ERCC6L2: variants seen among roughly 807,000 people sequenced by gnomAD.
ERCC6L2 encodes the protein ERCC excision repair 6 like 2.
Under a neutral mutation model 132.0 loss-of-function variants are expected in ERCC6L2, and 77 were observed. That is an observed-to-expected ratio of 0.58 (90% CI 0.49 to 0.71). The LOEUF is 0.71. Ranked by LOEUF, ERCC6L2 falls within the 30% of genes least tolerant of loss-of-function variation. ERCC6L2 has a pLI of 0.00. For synonymous variants in ERCC6L2, 583 were observed against 632.4 expected (o/e 0.92, Z 1.17); for missense variants, 1,542 against 1,837.6 (o/e 0.84, Z 2.94).
intron 19 of ERCC6L2, among the ~76,000 whole-genome samples, chr9:96,027,401 G>A (rs1588067084): frequency 6.6e-6 from 1 of 152,186 alleles, no homozygotes; most frequent in Non-Finnish European, 1.5e-5. Flanking sequence ...CTGCGGGAAA[G>A]GAGAGGGCAG....
intron 12 of ERCC6L2, among the ~76,000 whole-genome samples, chr9:95,943,595 C>T (rs994879320): frequency 6.6e-6 from 1 of 152,010 alleles, no homozygotes; most frequent in African/African-American, 2.4e-5. Flanking sequence ...AAAATATTTT[C>T]AAATCACATA....
rs570631908 is a variant in ERCC6L2 at position 96,001,647 on chromosome 9, C to T, written c.3493-2873C>T. Reference sequence around the variant, plus strand: ...GTCCCCACCAGACTCAGGAGCCCAGCTGGCTTCACCCAGTGGATCCCGCAC... The same window carrying T: ...GTCCCCACCAGACTCAGGAGCCCAGTTGGCTTCACCCAGTGGATCCCGCAC... On this transcript the variant is annotated intron_variant, in intron 17 of 18. Coordinates refer to ENST00000653738, the MANE Select transcript of ERCC6L2 (RefSeq NM_020207.7). 4.6e-5 allele frequency among the ~76,000 whole-genome samples: 7 copies of T among 152,382 alleles called. No homozygotes were observed. The East Asian group carries it at 1.3e-3, about 29-fold the overall frequency.
chr9:96,025,429 G>A (rs993217792), intron 19 of ERCC6L2, among the ~76,000 whole-genome samples: 8 of 152,192 alleles, frequency 5.3e-5, no homozygotes, highest in Admixed American at 2.6e-4. Flanking sequence ...TGGGTCAGGC[G>A]GTGGGGCTCA....
intron 6 of ERCC6L2, among the ~76,000 whole-genome samples, chr9:95,919,121 A>C (rs1358591878): frequency 6.6e-6 from 1 of 152,084 alleles, no homozygotes; most frequent in East Asian, 1.9e-4. Context: ...CCTGCCTCCC[A>C]AAGTGCTTGG....
chr9:95,955,446 C>T (rs1440313908), intron 12 of ERCC6L2, among the ~76,000 whole-genome samples: 1 of 151,728 alleles, frequency 6.6e-6, no homozygotes, highest in African/African-American at 2.4e-5. Flanking sequence ...ATAAACATAC[C>T]CATCATCCCA....
intron 3 of ERCC6L2, among the ~76,000 whole-genome samples, chr9:95,901,160 G>A (rs2132626668): frequency 6.6e-6 from 1 of 151,906 alleles, no homozygotes; most frequent in East Asian, 1.9e-4. Context: ...ATCTGCCTAT[G>A]GAATTTTAAG....
At chr9:95,885,842 T>C (rs570547873) in intron 2 of ERCC6L2, among the ~76,000 whole-genome samples, 8 of 152,186 alleles carry the variant, frequency 5.3e-5, no homozygotes, top group African/African-American at 1.9e-4. Flanking sequence ...TAGGAGAGGA[T>C]GGCAATCTGT....
Position 95,970,569 on chromosome 9 carries a change from A to G in ERCC6L2, c.2101-7A>G, listed in dbSNP as rs556488891. 1.2e-4 allele frequency: 159 copies of G among 1,302,320 alleles called. No homozygotes were observed. In the African/African-American group the frequency reaches 2.2e-3, roughly 18 times the overall value. 80.7% of individuals were successfully genotyped at this position (1,302,320 alleles called of 1,614,324 possible). On this transcript the variant is annotated splice_region_variant and splice_polypyrimidine_tract_variant and intron_variant, in intron 14 of 18. Coordinates refer to ENST00000653738, the MANE Select transcript of ERCC6L2 (RefSeq NM_020207.7). ...GCTATTTGCATTCTTTCTTACTGACATTATAGAGAGAAGGCCAAGTAGAAG... is the reference window on the plus strand; with the variant it reads ...GCTATTTGCATTCTTTCTTACTGACGTTATAGAGAGAAGGCCAAGTAGAAG...
chr9:95,921,167 C>G lies in ERCC6L2; in HGVS notation c.1159-8C>G. 1.3e-6 allele frequency: 2 copies of G among 1,598,920 alleles called. No individual in the cohort carries two copies. The highest frequency in any genetic ancestry group is 1.7e-6 in the Non-Finnish European group (2 of 1,173,946). On this transcript the variant is annotated splice_region_variant and splice_polypyrimidine_tract_variant and intron_variant, in intron 6 of 18. Transcript: ENST00000653738. ...TACTAATAACTACCTTGTATTTTAT[C>G]TTGGCAGATGGTGTATTGTTCTTTG...
At chr9:95,890,862 T>G (rs1828122312) in intron 2 of ERCC6L2, among the ~76,000 whole-genome samples, 1 of 152,098 alleles carries the variant, frequency 6.6e-6, no homozygotes, top group African/African-American at 2.4e-5. Context: ...AGAGGTGGGA[T>G]TTCACCATGC....
intron 17 of ERCC6L2, among the ~76,000 whole-genome samples, chr9:95,994,770 A>G (rs1218499460): frequency 2.6e-5 from 3 of 113,556 alleles, no homozygotes; most frequent in East Asian, 5.5e-4. Context: ...TCCTGCCGAA[A>G]TGGGAACTAG....
chr9:95,988,362 A>T (rs1254781353), intron 17 of ERCC6L2, among the ~76,000 whole-genome samples: 1 of 152,210 alleles, frequency 6.6e-6, no homozygotes. Context: ...TTACAGCAAG[A>T]TGGTAAGTTG....
chr9:95,906,622 AAG>A (rs762348611), intron 3 of ERCC6L2: 3 of 455,826 alleles, frequency 6.6e-6, no homozygotes, highest in Admixed American at 2.4e-5. Context: ...GAGTATCTGA[AAG>A]AGGGGGAGCG....
At chr9:95,896,733 C>G (rs1310619989) in intron 2 of ERCC6L2, among the ~76,000 whole-genome samples, 1 of 152,030 alleles carries the variant, frequency 6.6e-6, no homozygotes, top group East Asian at 1.9e-4. Flanking sequence ...CCAGTTGTTG[C>G]TTTTTTGTAG....
At chr9:96,004,097 G>A (rs1320244824) in intron 17 of ERCC6L2, among the ~76,000 whole-genome samples, 2 of 152,078 alleles carry the variant, frequency 1.3e-5, no homozygotes, top group African/African-American at 2.4e-5. Flanking sequence ...ATAAAGATTG[G>A]TATTTTTTAC....
downstream of ERCC6L2, among the ~76,000 whole-genome samples, chr9:96,022,593 C>G (rs193027199): frequency 5.9e-5 from 9 of 152,332 alleles, no homozygotes; most frequent in African/African-American, 1.9e-4. Flanking sequence ...GGAGCCATGA[C>G]CCTTCCTAAC....
chr9:95,897,208 G>A (rs77125600), intron 2 of ERCC6L2, among the ~76,000 whole-genome samples: 22 of 152,182 alleles, frequency 1.4e-4, no homozygotes, highest in Non-Finnish European at 2.4e-4. Flanking sequence ...TAACGCCCTT[G>A]CCTAACTTCA....
intron 16 of ERCC6L2, among the ~76,000 whole-genome samples, chr9:95,976,210 C>G (rs951080092): frequency 6.6e-6 from 1 of 152,130 alleles, no homozygotes; most frequent in African/African-American, 2.4e-5. Flanking sequence ...TCCTCTCGCT[C>G]TCTCTCCCTT....
chr9:95,881,310 T>A lies in ERCC6L2; in HGVS notation c.471+17T>A, dbSNP rs986562253. 1.2e-5 allele frequency: 18 copies of A among 1,529,388 alleles called. No homozygotes were observed. In the African/African-American group the frequency reaches 2.5e-4, roughly 21 times the overall value. 94.7% of individuals were successfully genotyped at this position (1,529,388 alleles called of 1,614,324 possible). A position where few individuals can be genotyped will look rare whatever the true frequency, so the allele number is the denominator to read the frequency against. ...ACAGTACAGGTATTTAATTATGTTATAACAGTAAAGTCACTTTACTGTGTA... is the reference window on the plus strand; with the variant it reads ...ACAGTACAGGTATTTAATTATGTTAAAACAGTAAAGTCACTTTACTGTGTA... On this transcript the variant is annotated intron_variant, in intron 2 of 18. Coordinates refer to ENST00000653738, the MANE Select transcript of ERCC6L2 (RefSeq NM_020207.7).
Sources: gnomAD v4.1 joint callset for allele counts (sites outside exome capture counted in the v4.1 genomes callset) on GRCh38, gnomAD v4.1.1 for gene constraint, MANE v1.5 for transcripts, NCBI Gene and HGNC (gene_info 2026-07-23, HGNC 2026-07-21) for gene names.